The following TNS3 variants were observed in gnomAD, a reference collection of about 807,000 sequenced individuals.
TNS3 encodes tensin 3.
A neutral mutation model predicts 140.9 loss-of-function variants in TNS3; 45 were observed. The observed-to-expected ratio is 0.32, with a 90% CI of 0.25 to 0.41. TNS3 has a LOEUF of 0.41. Ranked by LOEUF, TNS3 falls within the 10% of genes least tolerant of loss-of-function variation. The pLI, the probability that TNS3 is intolerant of heterozygous loss-of-function variation, is 1.00. For missense variants in TNS3, 1,716 were observed against 1,906.7 expected, an observed-to-expected ratio of 0.90 and a Z score of 1.86; for synonymous variants, 815 against 788.4, an observed-to-expected ratio of 1.03 and a Z score of -0.56.
rs67341898 is a variant in TNS3, at chr7:47,437,745, T to TACACACACACACAC, written c.151-446_151-433dup. Among the ~76,000 whole-genome samples the TACACACACACACAC allele has an allele frequency of 5.9e-5, 8 of 135,814 alleles. No individual in the cohort carries two copies. The South Asian group carries it at 9.8e-4, about 17-fold the overall frequency. 89.1% of individuals were successfully genotyped at this position (135,814 alleles called of 152,430 possible). ...CTACAAAATATCCCAACATATAGGA[T>TACACACACACACAC]ACACACACACACACACACACACACA... is the stretch of plus-strand genomic sequence containing the variant. On this transcript the variant is annotated intron_variant, in intron 6 of 30. Transcript: ENST00000311160.
At chr7:47,408,492 G>A (rs1286097782) in intron 13 of TNS3, among the ~76,000 whole-genome samples, 2 of 152,128 alleles carry the variant, frequency 1.3e-5, no homozygotes, top group Non-Finnish European at 2.9e-5. Flanking sequence ...CTCTTCCAGA[G>A]GGAAGAGGCA....
intron 17 of TNS3, among the ~76,000 whole-genome samples, chr7:47,346,557 C>T (rs1789357204): frequency 6.6e-6 from 1 of 152,166 alleles, no homozygotes; most frequent in African/African-American, 2.4e-5. Context: ...ATGAACAAGG[C>T]CACAGCCTTG....
At chr7:47,521,985 T>C (rs11770873) in intron 2 of TNS3, among the ~76,000 whole-genome samples, 12,071 of 152,120 alleles carry the variant, frequency 0.079, 555 homozygotes, top group Middle Eastern at 0.14. Context: ...ATGGGAGGTC[T>C]GCACGGCGAT....
chr7:47,576,687 C>T (rs542083061), intron 1 of TNS3, among the ~76,000 whole-genome samples: 2 of 152,322 alleles, frequency 1.3e-5, no homozygotes, highest in South Asian at 2.1e-4. Context: ...GCCCAGTGTG[C>T]CCCAGGGCCC....
At chr7:47,380,522 C>T (rs1306881550) in intron 16 of TNS3, among the ~76,000 whole-genome samples, 1 of 152,230 alleles carries the variant, frequency 6.6e-6, no homozygotes, top group Non-Finnish European at 1.5e-5. Flanking sequence ...AAAGGCATTC[C>T]TGGACAAGTC....
chr7:47,473,665 T>C (rs1042282450), intron 4 of TNS3, among the ~76,000 whole-genome samples: 1 of 152,086 alleles, frequency 6.6e-6, no homozygotes, highest in African/African-American at 2.4e-5. Flanking sequence ...CAGAGACTTG[T>C]GGGAAGCCTT....
chr7:47,279,545 AC>A (rs1785032981), intron 30 of TNS3: 1 of 155,148 alleles, frequency 6.4e-6, no homozygotes, highest in Non-Finnish European at 1.4e-5. Context: ...TCTACTAAAT[AC>A]AAAAAATTAG....
At chr7:47,415,267 G>A (rs183982451) in intron 10 of TNS3, 61 bp from the exon 11 acceptor site, 128 of 1,214,036 alleles carry the variant, frequency 1.1e-4, no homozygotes, top group Non-Finnish European at 1.4e-4. Flanking sequence ...GCTGAGAAGG[G>A]AACTCAAGGA....
chr7:47,550,211 C>T (rs1296950614), intron 1 of TNS3, among the ~76,000 whole-genome samples: 1 of 152,070 alleles, frequency 6.6e-6, no homozygotes, highest in East Asian at 1.9e-4. Context: ...GGCCCAGACG[C>T]GAGAAGGGGT....
intron 15 of TNS3, among the ~76,000 whole-genome samples, chr7:47,398,554 C>T (rs1213776627): frequency 6.6e-6 from 1 of 152,074 alleles, no homozygotes; most frequent in African/African-American, 2.4e-5. Flanking sequence ...ACCATACAAA[C>T]AGAATTAAAA....
chr7:47,379,798 G>A (rs1456293217), intron 16 of TNS3, among the ~76,000 whole-genome samples: 1 of 152,192 alleles, frequency 6.6e-6, no homozygotes, highest in Non-Finnish European at 1.5e-5. Flanking sequence ...CAGGAAAGAG[G>A]CTGCAGCGGC....
chr7:47,522,119 G>A (rs59101766), intron 2 of TNS3, among the ~76,000 whole-genome samples: 4,531 of 152,290 alleles, frequency 0.03, 231 homozygotes, highest in African/African-American at 0.1. Context: ...TATCAGCAGG[G>A]ATGGGATGCC....
At chr7:47,389,097 A>AGGAAGAGGAAGAGGAAGT in intron 16 of TNS3, among the ~76,000 whole-genome samples, 1 of 55,690 alleles carries the variant, frequency 1.8e-5, no homozygotes, top group African/African-American at 9.7e-5. Flanking sequence ...GAAGAGGAAG[A>AGGAAGAGGAAGAGGAAGT]GGAAGCGGAA....
chr7:47,389,068 A>AAGAGGAAGAG, intron 16 of TNS3, among the ~76,000 whole-genome samples: 2 of 59,840 alleles, frequency 3.3e-5, no homozygotes, highest in Admixed American at 1.8e-4. Context: ...AAGAAGAAGA[A>AAGAGGAAGAG]GAAGAAGAAG....
intron 10 of TNS3, among the ~76,000 whole-genome samples, chr7:47,422,606 C>T (rs963553375): frequency 6.7e-6 from 1 of 149,598 alleles, no homozygotes; most frequent in African/African-American, 2.5e-5. Context: ...GAGCAACACT[C>T]TGTTTCAAAA....
intron 2 of TNS3, among the ~76,000 whole-genome samples, chr7:47,520,928 G>C (rs1798952145): frequency 6.6e-6 from 1 of 152,198 alleles, no homozygotes. Flanking sequence ...ATAACATCTG[G>C]AGCCATTTCA....
At chr7:47,308,479 G>T (rs959751207) in intron 20 of TNS3, among the ~76,000 whole-genome samples, 1 of 152,046 alleles carries the variant, frequency 6.6e-6, no homozygotes, top group Non-Finnish European at 1.5e-5. Context: ...TAACTATATT[G>T]CTATTTTCAG....
chr7:47,559,230 G>T (rs1226175168), intron 1 of TNS3, among the ~76,000 whole-genome samples: 1 of 152,138 alleles, frequency 6.6e-6, no homozygotes, highest in Non-Finnish European at 1.5e-5. Context: ...CGCGCCTGTA[G>T]TCTCAGCTAC....
Position 47,361,206 on chromosome 7 carries a change from C to CAAAAAAAAAAAAAAAAACA in TNS3, c.2281+7158_2281+7159insTGTTTTTTTTTTTTTTTTT, listed in dbSNP as rs529938498. On this transcript the variant is annotated intron_variant, in intron 17 of 30. Coordinates refer to ENST00000311160, the MANE Select transcript of TNS3 (RefSeq NM_022748.12). ...TCTTCTGGTAAGACAGTAACCATGC[C>CAAAAAAAAAAAAAAAAACA]AAAAAAAAAAAAAAAAAACAAGCAA... Among the ~76,000 whole-genome samples, 75 of 47,178 alleles carry CAAAAAAAAAAAAAAAAACA rather than the reference C, an allele frequency of 1.6e-3. 3 individuals are homozygous for CAAAAAAAAAAAAAAAAACA. The highest frequency in any genetic ancestry group is 2.2e-3 in the Non-Finnish European group (47 of 21,672). 31.0% of individuals were successfully genotyped at this position (47,178 alleles called of 152,430 possible).
Sources: gnomAD v4.1 joint callset for allele counts (sites outside exome capture counted in the v4.1 genomes callset) on GRCh38, gnomAD v4.1.1 for gene constraint, MANE v1.5 for transcripts, NCBI Gene and HGNC (gene_info 2026-07-23, HGNC 2026-07-21) for gene names.